Variants in BBOF1 observed in about 807,000 individuals in gnomAD.
BBOF1 encodes basal body orientation factor 1.
BBOF1 carries 62 observed loss-of-function variants against 68.0 expected under a neutral mutation model. The ratio of observed to expected loss-of-function variants is 0.91; its 90% CI spans 0.74 to 1.13. The LOEUF (loss-of-function observed/expected upper bound fraction) is 1.13, where lower values mean the gene tolerates loss of function less well. Among genes scored for constraint, BBOF1 ranks in the 50% most tolerant of loss-of-function variants. The pLI is 0.00. For synonymous variants in BBOF1, 208 were observed against 198.8 expected (o/e 1.05, Z -0.39); for missense variants, 534 against 600.1 (o/e 0.89, Z 1.15).
At chr14:74,024,639 T>C (rs2059384258) in intron 2 of BBOF1, among the ~76,000 whole-genome samples, 1 of 152,008 alleles carries the variant, frequency 6.6e-6, no homozygotes, top group Non-Finnish European at 1.5e-5. Context: ...TAATTTTTTG[T>C]ATTTTTGGTA....
At chr14:74,025,905 T>TG (rs202166090) in intron 2 of BBOF1, among the ~76,000 whole-genome samples, 19,000 of 135,690 alleles carry the variant, frequency 0.14, 1,747 homozygotes, top group East Asian at 0.57. Flanking sequence ...AGTGGCGGGG[T>TG]GGGGGGGGTG....
At chr14:74,041,383 T>A (rs1354227881) in intron 5 of BBOF1, among the ~76,000 whole-genome samples, 2 of 152,178 alleles carry the variant, frequency 1.3e-5, no homozygotes, top group Non-Finnish European at 2.9e-5. Context: ...CTCTCCAAAT[T>A]GTGGGAAGTA....
chr14:74,035,050 C>A (rs372206154), intron 4 of BBOF1, among the ~76,000 whole-genome samples: 15 of 151,942 alleles, frequency 9.9e-5, no homozygotes, highest in Non-Finnish European at 1.6e-4. Context: ...TGTGATTGCA[C>A]GACTGCACTC....
At chr14:74,067,764 A>C (rs899838662), downstream of BBOF1, among the ~76,000 whole-genome samples, 3 of 151,958 alleles carry the variant, frequency 2.0e-5, no homozygotes, top group Non-Finnish European at 4.4e-5. Flanking sequence ...TCTCTACAAA[A>C]AATACAAAAA....
intron 2 of BBOF1, among the ~76,000 whole-genome samples, chr14:74,028,381 G>T (rs561121005): frequency 4.6e-4 from 69 of 149,840 alleles, no homozygotes; most frequent in African/African-American, 1.6e-3. Context: ...AAAAAAGAAA[G>T]AAAAACAAAT....
At chr14:74,037,133 C>T (rs1466110396) in intron 4 of BBOF1, among the ~76,000 whole-genome samples, 5 of 150,234 alleles carry the variant, frequency 3.3e-5, no homozygotes, top group African/African-American at 4.9e-5. Flanking sequence ...CCACCATGCC[C>T]GGCTAATTTT....
chr14:74,035,544 A>C (rs999671347), intron 4 of BBOF1, among the ~76,000 whole-genome samples: 1 of 138,048 alleles, frequency 7.2e-6, no homozygotes, highest in African/African-American at 2.8e-5. Flanking sequence ...CAGCCTCCCG[A>C]GTAGCTGGGA....
At chr14:74,055,137 GTTTTCTTT>G (rs2060161434) in intron 8 of BBOF1, 2 of 157,794 alleles carry the variant, frequency 1.3e-5, no homozygotes, top group Non-Finnish European at 2.8e-5. Context: ...TTGCTTTGTA[GTTTTCTTT>G]TTTTCTTTCT....
Position 74,078,580 on chromosome 14 carries a change from T to A in BBOF1, n.1536+228T>A, listed in dbSNP as rs548952029. On this transcript the variant is annotated intron_variant and non_coding_transcript_variant, in intron 10 of 12. Coordinates refer to the BBOF1 transcript ENST00000492026. ...TCTCACTCTGTCACCCAGGCTGGAG[T>A]GCAGTGGTGCAATCTTGGCTCACTG... Among the ~76,000 whole-genome samples the A allele has an allele frequency of 3.3e-5, 5 of 152,256 alleles. No homozygotes were observed. In the East Asian group the frequency reaches 9.7e-4, roughly 29 times the overall value.
intron 3 of BBOF1, among the ~76,000 whole-genome samples, chr14:74,032,894 C>A (rs746365016): frequency 1.3e-5 from 2 of 151,762 alleles, no homozygotes; most frequent in Non-Finnish European, 2.9e-5. Context: ...TTGTTATTGG[C>A]CTTTCCTTCT....
chr14:74,023,061 A>C lies in BBOF1; in HGVS notation c.202A>C (p.Lys68Gln). 1 of 1,607,734 alleles carries C rather than the reference A, an allele frequency of 6.2e-7. No individual in the cohort carries two copies. Among genetic ancestry groups the C allele is most frequent in the Non-Finnish European group, 8.5e-7 (1 of 1,176,902 alleles). ...ACTGGCAAAAAGTAATGAGGACTTA[A>C]AGAAAAAGCAATGTAAAATGGAGAA... Reference protein sequence around the residue: ...RILAKSNEDLKKKQCKMEKDI... With the variant: ...RILAKSNEDLQKKQCKMEKDI... The change falls in exon 2 of 12, where the codon AAG (lysine) becomes CAG (glutamine). Residue 68 changes from lysine to glutamine, a missense_variant. Physicochemically the swap from Lys to Gln is moderately conservative, Grantham distance 53. Coordinates refer to ENST00000394009, the MANE Select transcript of BBOF1 (RefSeq NM_025057.3).
At position 74,024,932 on chromosome 14, in the gene BBOF1, T is replaced by G. The variant is rs117362083; in HGVS notation, c.285+1788T>G. On this transcript the variant is annotated intron_variant, in intron 2 of 11. Coordinates refer to ENST00000394009, the MANE Select transcript of BBOF1 (RefSeq NM_025057.3). ...AATTTCTATCTTTATTTTATTTTAT[T>G]TTTTGTATTTTTAGTAGGGACGGGG... Among the ~76,000 whole-genome samples, 270 of 152,192 alleles carry G rather than the reference T, an allele frequency of 1.8e-3. 7 individuals are homozygous for G. The East Asian group carries it at 0.036, about 20-fold the overall frequency.
At chr14:74,048,131 T>A in intron 7 of BBOF1, 57 bp downstream of exon 7, 1 of 1,537,834 alleles carries the variant, frequency 6.5e-7, no homozygotes, top group East Asian at 2.3e-5. Context: ...ATTGGGTTGG[T>A]AAATACCAAA....
intron 5 of BBOF1, among the ~76,000 whole-genome samples, chr14:74,041,780 T>C (rs773876194): frequency 4.6e-5 from 7 of 152,202 alleles, no homozygotes; most frequent in Non-Finnish European, 8.8e-5. Flanking sequence ...TTCACTCCTG[T>C]AATCCCAGCA....
intron 5 of BBOF1, among the ~76,000 whole-genome samples, chr14:74,044,881 C>T (rs1028978896): frequency 7.9e-5 from 12 of 152,084 alleles, no homozygotes; most frequent in African/African-American, 2.2e-4. Context: ...GCTGAGATCA[C>T]GCCACTGTAC....
intron 9 of BBOF1, chr14:74,071,392 A>C: frequency 6.2e-7 from 1 of 1,613,902 alleles, no homozygotes; most frequent in Non-Finnish European, 8.5e-7. Flanking sequence ...GCCTGCACAC[A>C]CTCCCAGAGG....
intron 1 of BBOF1, 31 bp downstream of exon 1, chr14:74,019,565 C>T: frequency 1.3e-6 from 2 of 1,569,124 alleles, no homozygotes; most frequent in Non-Finnish European, 1.7e-6. Context: ...AGTCCCCTCT[C>T]CCTGGGCCTG....
At chr14:74,066,973 T>C (rs928301513), downstream of BBOF1, 11 of 1,327,302 alleles carry the variant, frequency 8.3e-6, no homozygotes, top group African/African-American at 4.3e-5. Flanking sequence ...CCCAAAGCTT[T>C]AGGAGGCCAA....
chr14:74,073,344 A>G (rs1350594616), intron 9 of BBOF1, among the ~76,000 whole-genome samples: 1 of 151,810 alleles, frequency 6.6e-6, no homozygotes, highest in Non-Finnish European at 1.5e-5. Context: ...GGCTCAAGTG[A>G]TCCACCTGCG....
Sources: gnomAD v4.1 joint callset for allele counts (sites outside exome capture counted in the v4.1 genomes callset) on GRCh38, gnomAD v4.1.1 for gene constraint, MANE v1.5 for transcripts, NCBI Gene and HGNC (gene_info 2026-07-23, HGNC 2026-07-21) for gene names.